ITGAD: variants seen among roughly 807,000 people sequenced by gnomAD.
ITGAD encodes the protein integrin subunit alpha D, also known as integrin alpha-D.
In ITGAD, 105 loss-of-function variants were observed where a neutral mutation model predicts 139.0. The observed-to-expected ratio is 0.76, with a 90% confidence interval of 0.65 to 0.89. The LOEUF (loss-of-function observed/expected upper bound fraction) is 0.89, where lower values mean the gene tolerates loss of function less well. Ranked by LOEUF, ITGAD falls within the 40% of genes least tolerant of loss-of-function variation. The pLI, the probability that ITGAD is intolerant of heterozygous loss-of-function variation, is 0.00. For synonymous variants in ITGAD, 569 were observed against 598.3 expected (o/e 0.95, Z 0.71); for missense variants, 1,384 against 1,487.3 (o/e 0.93, Z 1.14).
chr16:31,399,847 C>T (rs1234789106), intron 5 of ITGAD, among the ~76,000 whole-genome samples: 3 of 152,144 alleles, frequency 2.0e-5, no homozygotes, highest in Non-Finnish European at 2.9e-5. Flanking sequence ...ATTGCATCCT[C>T]ACAACATCCT....
At chr16:31,408,003 C>T in intron 9 of ITGAD, 87 bp downstream of exon 9, 1 of 1,378,642 alleles carries the variant, frequency 7.3e-7, no homozygotes, top group Non-Finnish European at 9.8e-7. Flanking sequence ...GATGGAGTCT[C>T]ACTTTGTCCC....
chr16:31,394,867 G>C (rs1287767409), intron 2 of ITGAD, among the ~76,000 whole-genome samples: 2 of 152,168 alleles, frequency 1.3e-5, no homozygotes, highest in Non-Finnish European at 2.9e-5. Flanking sequence ...TTTTTACAGA[G>C]ATGGAGTCTT....
intron 17 of ITGAD, 40 bp downstream of exon 17, chr16:31,414,645 G>A: frequency 6.2e-7 from 1 of 1,611,466 alleles, no homozygotes; most frequent in Non-Finnish European, 8.5e-7. Context: ...GAGAGGAGGA[G>A]CCCAAGGCTG....
chr16:31,413,294 G>C, intron 16 of ITGAD, 48 bp downstream of exon 16: 6 of 1,592,486 alleles, frequency 3.8e-6, no homozygotes, highest in African/African-American at 1.4e-5. Context: ...TCCATTAGGG[G>C]CCCCAATGCC....
intron 18 of ITGAD, among the ~76,000 whole-genome samples, chr16:31,415,561 T>C (rs576923393): frequency 6.6e-6 from 1 of 152,312 alleles, no homozygotes; most frequent in African/African-American, 2.4e-5. Flanking sequence ...TCCTAGGCAG[T>C]TCCCACTTTT....
chr16:31,397,706 C>CGGGG, intron 4 of ITGAD, 40 bp downstream of exon 4: 23 of 299,864 alleles, frequency 7.7e-5, no homozygotes, highest in Non-Finnish European at 1.1e-4. Context: ...TGGGGTGGGG[C>CGGGG]GGGGGGTGTT....
rs1471989720 is a variant in ITGAD at position 31,406,228 on chromosome 16, C to T, written c.705-1287C>T. On this transcript the variant is annotated intron_variant, in intron 7 of 29. Coordinates refer to ENST00000389202, the MANE Select transcript of ITGAD (RefSeq NM_005353.3). Reference sequence around the variant, plus strand: ...TAGCTGGGATTACAGGCACGCGCCACCATACCTGGCTAATTTTTGTATTTT... The same window carrying T: ...TAGCTGGGATTACAGGCACGCGCCATCATACCTGGCTAATTTTTGTATTTT... Among the ~76,000 whole-genome samples the T allele has an allele frequency of 2.6e-5, 4 of 152,120 alleles. No homozygotes were observed. The East Asian group carries it at 7.7e-4, about 29-fold the overall frequency.
intron 1 of ITGAD, 137 bp downstream of exon 1, chr16:31,393,528 A>T (rs889094556): frequency 1.2e-6 from 1 of 862,208 alleles, no homozygotes; most frequent in Admixed American, 2.0e-5. Context: ...TTCATGTGCG[A>T]GTGGCCCGGA....
At position 31,414,939 on chromosome 16, in the gene ITGAD, A is replaced by G. The variant is rs541416611; in HGVS notation, c.2231A>G (p.Gln744Arg). Residue 744 changes from glutamine (Q) to arginine (R), a missense_variant, in exon 18 of 30, where the codon CAG (glutamine) becomes CGG (arginine). Gln to Arg is a conservative substitution (Grantham distance 43). Coordinates refer to ENST00000389202, the MANE Select transcript of ITGAD (RefSeq NM_005353.3). ...GTGAGAGAGCCCATCCCCTCCCCCC[A>G]GAACCTGCGTCCTGTGCTGGCCGTG... Reference protein sequence around the residue: ...SLVREPIPSPQNLRPVLAVGS... With the variant: ...SLVREPIPSPRNLRPVLAVGS... The G allele has an allele frequency of 6.2e-7, 1 of 1,614,114 alleles. No individual in the cohort carries two copies. The highest frequency in any genetic ancestry group is 2.2e-5 in the East Asian group (1 of 44,878).
At chr16:31,421,732 T>A (rs999929330) in intron 23 of ITGAD, among the ~76,000 whole-genome samples, 2 of 152,040 alleles carry the variant, frequency 1.3e-5, no homozygotes. Flanking sequence ...AAGCTACAGT[T>A]TCCAGAGACG....
chr16:31,421,015 A>G (rs968168944), intron 23 of ITGAD, among the ~76,000 whole-genome samples: 3 of 152,202 alleles, frequency 2.0e-5, no homozygotes, highest in African/African-American at 7.2e-5. Context: ...ACAGTTATAT[A>G]TACCCATGTC....
Position 31,411,168 on chromosome 16 carries a change from T to C in ITGAD, c.1449T>C (p.Tyr483=). 15 of 1,613,748 alleles carry C rather than the reference T, an allele frequency of 9.3e-6. No homozygotes were observed. Among genetic ancestry groups the C allele is most frequent in the Non-Finnish European group, 1.1e-5 (13 of 1,179,862 alleles). Reference sequence around the variant, plus strand: ...TCCTCATTGGGGCCCCCCATTACTATGAGCAGACCCGAGGGGGCCAGGTGT... The same window carrying C: ...TCCTCATTGGGGCCCCCCATTACTACGAGCAGACCCGAGGGGGCCAGGTGT... ...DLILIGAPHY[Y]EQTRGGQVSV... is the part of the protein sequence containing the mutation. The change falls in exon 13 of 30, where the codon TAT becomes TAC. Residue 483 remains tyrosine (Y), a synonymous_variant. Coordinates refer to ENST00000389202, the MANE Select transcript of ITGAD (RefSeq NM_005353.3).
chr16:31,403,573 A>C lies in ITGAD; in HGVS notation c.632A>C (p.Gln211Pro). 2 of 1,614,218 alleles carry C rather than the reference A, an allele frequency of 1.2e-6. No homozygotes were observed. Among genetic ancestry groups the C allele is most frequent in the Non-Finnish European group, 8.5e-7 (1 of 1,180,044 alleles). ...ACCCAATTCCGGACCAGCCCGAGCCAGCAGAGCCTGGTGGATCCCATCGTC... is the reference window on the plus strand; with the variant it reads ...ACCCAATTCCGGACCAGCCCGAGCCCGCAGAGCCTGGTGGATCCCATCGTC... ...TFTQFRTSPS[Q>P]QSLVDPIVQL... Residue 211 changes from glutamine to proline, a missense_variant, in exon 7 of 30, where the codon CAG becomes CCG. Transcript: ENST00000389202. This position sits in a 1 kb window ranked among gnomAD's most constrained non-coding sequence, Gnocchi z 4.4.
At chr16:31,417,029 TCCTCCCTCCCTC>T (rs1241133313) in intron 20 of ITGAD, among the ~76,000 whole-genome samples, 1 of 67,236 alleles carries the variant, frequency 1.5e-5, no homozygotes, top group Non-Finnish European at 2.7e-5. Context: ...CTCCCTTACT[TCCTCCCTCCCTC>T]CCTCCCTCCC....
Position 31,403,989 on chromosome 16 carries a change from G to A in ITGAD, c.704+344G>A. On this transcript the variant is annotated intron_variant, in intron 7 of 29. Coordinates refer to ENST00000389202, the MANE Select transcript of ITGAD (RefSeq NM_005353.3). This position sits in a 1 kb window ranked among gnomAD's most constrained non-coding sequence, Gnocchi z 4.4. ...TGGCTCCCCGTGAGCTACTCTGGGT[G>A]TAACCCTGGGGTGATGGGCTCTAAG... 3.1e-6 allele frequency: 1 copy of A among 325,960 alleles called. No homozygotes were observed. Among genetic ancestry groups the A allele is most frequent in the Non-Finnish European group, 5.9e-6 (1 of 170,132 alleles). 20.2% of individuals were successfully genotyped at this position (325,960 alleles called of 1,614,324 possible).
chr16:31,415,719 C>A (rs1001809554), intron 18 of ITGAD, among the ~76,000 whole-genome samples: 1 of 152,186 alleles, frequency 6.6e-6, no homozygotes, highest in Admixed American at 6.6e-5. Context: ...TCCAGCCTTA[C>A]CTCCCTCTCT....
At chr16:31,424,013 G>A in intron 27 of ITGAD, 55 bp downstream of exon 27, 2 of 1,609,014 alleles carry the variant, frequency 1.2e-6, no homozygotes, top group Non-Finnish European at 1.7e-6. Flanking sequence ...GACCTGGCAT[G>A]TCTGTGCCCA....
Position 31,407,677 on chromosome 16 carries a change from C to A in ITGAD, c.858+9C>A. The stretch of plus-strand genomic sequence containing the variant: ...TCCGCTACGCTATCGGGGTGCGCCT[C>A]TTCTTCACCCCTGCCCCAGGCTCAG... On this transcript the variant is annotated intron_variant, in intron 8 of 29. Transcript: ENST00000389202. The A allele has an allele frequency of 6.2e-7, 1 of 1,613,992 alleles. No homozygotes were observed. The highest frequency in any genetic ancestry group is 1.1e-5 in the South Asian group (1 of 91,050).
At position 31,411,478 on chromosome 16, in the gene ITGAD, C is replaced by T. The variant is rs373174174; in HGVS notation, c.1668C>T (p.His556=). ...QENRGAVYLF[H]GASESGISPS... ...ACCGGGGTGCTGTCTACCTGTTTCA[C>T]GGAGCCTCAGAATCCGGCATCAGCC... Residue 556 remains histidine (H), a synonymous_variant, in exon 14 of 30, where the codon CAC becomes CAT. Coordinates refer to ENST00000389202, the MANE Select transcript of ITGAD (RefSeq NM_005353.3). The T allele has an allele frequency of 7.9e-5, 128 of 1,613,994 alleles. No homozygotes were observed. The highest frequency in any genetic ancestry group is 1.0e-4 in the Non-Finnish European group (123 of 1,180,006).
Sources: allele counts gnomAD v4.1 joint callset (sites outside exome capture counted in the v4.1 genomes callset), GRCh38; gene constraint gnomAD v4.1.1; non-coding constraint Gnocchi (gnomAD v3.1); transcripts MANE v1.5; gene names NCBI Gene and HGNC (gene_info 2026-07-23, HGNC 2026-07-21).